The following LSR variants were observed in gnomAD, a reference collection of about 807,000 sequenced individuals.
LSR encodes the protein lipolysis-stimulated lipoprotein receptor.
LSR carries 44 observed loss-of-function variants against 61.8 expected under a neutral mutation model. That is an observed-to-expected ratio of 0.71 (90% CI 0.56 to 0.91). LSR has a LOEUF of 0.91. Ranked by LOEUF, LSR falls within the 40% of genes least tolerant of loss-of-function variation. The pLI, the probability that LSR is intolerant of heterozygous loss-of-function variation, is 0.00. For missense variants in LSR, 911 were observed against 830.5 expected, an observed-to-expected ratio of 1.10 and a Z score of -1.19; for synonymous variants, 397 against 350.6, an observed-to-expected ratio of 1.13 and a Z score of -1.48.
At position 35,249,097 on chromosome 19, in the gene LSR, C is replaced by G. The variant is rs1428709940; in HGVS notation, c.75C>G (p.Val25=). 2 of 1,552,008 alleles carry G rather than the reference C, an allele frequency of 1.3e-6. No individual in the cohort carries two copies. Among genetic ancestry groups the G allele is most frequent in the Non-Finnish European group, 1.7e-6 (2 of 1,149,784 alleles). ...CCGCCGCAGGCCGGGACGCGGTCGT[C>G]TTCGTGTGGCTTCTGCTTAGCACCT... is the stretch of plus-strand genomic sequence containing the variant. The part of the protein sequence containing the change: ...HPAAAGRDAV[V]FVWLLLSTWC... The change falls in exon 1 of 10, where the codon GTC becomes GTG. Residue 25 remains valine, a synonymous_variant. Transcript: ENST00000605618.
At chr19:35,267,067 C>G in intron 8 of LSR, 42 bp from the exon 9 acceptor site, 1 of 1,530,414 alleles carries the variant, frequency 6.5e-7, no homozygotes, top group South Asian at 1.3e-5. Flanking sequence ...ACCCTGGACC[C>G]CGGGCTCCTC....
At position 35,250,453 on chromosome 19, in the gene LSR, T is replaced by A; in HGVS notation, c.248T>A (p.Phe83Tyr). The A allele has an allele frequency of 6.2e-7, 1 of 1,614,056 alleles. No individual in the cohort carries two copies. The highest frequency in any genetic ancestry group is 1.3e-5 in the African/African-American group (1 of 75,018). ...QPIVIWKYKS[F>Y]CRDRIADAFS... The stretch of plus-strand genomic sequence containing the variant: ...ATCGTCATCTGGAAGTACAAGTCTT[T>A]CTGCCGGGACCGCATCGCCGATGCC... Residue 83 changes from phenylalanine (F) to tyrosine (Y), a missense_variant, in exon 2 of 10, where the codon TTC becomes TAC. Coordinates refer to ENST00000605618, the MANE Select transcript of LSR (RefSeq NM_205834.4).
chr19:35,263,393 A>T (rs1259620775), intron 5 of LSR, among the ~76,000 whole-genome samples: 1 of 152,182 alleles, frequency 6.6e-6, no homozygotes, highest in East Asian at 1.9e-4. Flanking sequence ...AAAGGGTCTC[A>T]TTCTGTCATC....
At chr19:35,259,375 C>T (rs2065896889) in intron 3 of LSR, 2 of 235,918 alleles carry the variant, frequency 8.5e-6, no homozygotes, top group South Asian at 1.1e-4. Context: ...TGCGGTAGTT[C>T]ATGCCTGTAA....
In LSR at chr19:35,266,956, G is replaced by A. The variant is rs2066011352; in HGVS notation, c.1133G>A (p.Arg378His). 5.6e-6 allele frequency: 9 copies of A among 1,612,364 alleles called. No homozygotes were observed. The Admixed American group carries it at 1.0e-4, about 18-fold the overall frequency. The change falls in exon 8 of 10, where the codon CGT (arginine) becomes CAT (histidine). Residue 378 changes from arginine to histidine, a missense_variant. Arg to His is a conservative substitution (Grantham distance 29). Transcript: ENST00000605618. ...DPSRPGPPSG[R>H]VERAMSEVTS... Reference sequence around the variant, plus strand: ...TCTCGACCTGGCCCCCCCAGTGGCCGTGTGGAGCGGGGTAAGCAGGAGCCT... The same window carrying A: ...TCTCGACCTGGCCCCCCCAGTGGCCATGTGGAGCGGGGTAAGCAGGAGCCT...
intron 1 of LSR, chr19:35,249,429 C>T (rs113986917): frequency 8.7e-5 from 35 of 402,720 alleles, no homozygotes; most frequent in African/African-American, 4.7e-4. Context: ...GAAGACCGCC[C>T]GATCTCTGGG....
In LSR at chr19:35,267,943, C is replaced by T; in HGVS notation, c.*84C>T. The T allele has an allele frequency of 6.8e-7, 1 of 1,481,456 alleles. No homozygotes were observed. The highest frequency in any genetic ancestry group is 2.3e-5 in the East Asian group (1 of 44,148). 91.8% of individuals were successfully genotyped at this position (1,481,456 alleles called of 1,614,324 possible). The stretch of plus-strand genomic sequence containing the variant: ...AAGCCCTGCCATACCCCTCCCGAGT[C>T]TAATAAAACGTATAATCACAAGCTC... On this transcript the variant is annotated 3_prime_UTR_variant, in exon 10 of 10. Coordinates refer to ENST00000605618, the MANE Select transcript of LSR (RefSeq NM_205834.4).
At position 35,267,600 on chromosome 19, in the gene LSR, G is replaced by A. The variant is rs1599611895; in HGVS notation, c.1636G>A (p.Ala546Thr). The A allele has an allele frequency of 1.9e-6, 3 of 1,612,310 alleles. No individual in the cohort carries two copies. Among genetic ancestry groups the A allele is most frequent in the East Asian group, 2.2e-5 (1 of 44,866 alleles). ...CTATGATGGGCGGCTACTGGAGGAGGCTGTGAGGAAGAAGGGGTCGGAGGA... is the reference window on the plus strand; with the variant it reads ...CTATGATGGGCGGCTACTGGAGGAGACTGTGAGGAAGAAGGGGTCGGAGGA... ...LPYDGRLLEE[A>T]VRKKGSEERR... The change falls in exon 9 of 10, where the codon GCT (alanine) becomes ACT (threonine). Residue 546 changes from alanine (A) to threonine (T), a missense_variant. Physicochemically the swap from Ala to Thr is moderately conservative, Grantham distance 58. Coordinates refer to ENST00000605618, the MANE Select transcript of LSR (RefSeq NM_205834.4).
chr19:35,252,845 T>C (rs1186013074), intron 2 of LSR, among the ~76,000 whole-genome samples: 4 of 151,346 alleles, frequency 2.6e-5, no homozygotes, highest in Admixed American at 6.6e-5. Context: ...AGACCCCATG[T>C]CTACAAAAAT....
At chr19:35,255,875 G>T (rs2145505606) in intron 2 of LSR, among the ~76,000 whole-genome samples, 1 of 152,268 alleles carries the variant, frequency 6.6e-6, no homozygotes. Flanking sequence ...AAGGGCAAGG[G>T]CAAGGATTTA....
At position 35,267,120 on chromosome 19, in the gene LSR, G is replaced by A. The variant is rs748885941; in HGVS notation, c.1156G>A (p.Val386Ile). 5 of 1,528,262 alleles carry A rather than the reference G, an allele frequency of 3.3e-6. No homozygotes were observed. Among genetic ancestry groups the A allele is most frequent in the African/African-American group, 2.8e-5 (2 of 71,868 alleles). The allele number at this position is 1,528,262 out of a possible 1,614,324, so 94.7% of individuals were successfully genotyped here. ...SGRVERAMSE[V>I]TSLHEDDWRS... is the part of the protein sequence containing the mutation. ...CCCCTTCCCTGCAGCCATGAGTGAA[G>A]TCACCTCCCTCCACGAGGACGACTG... Residue 386 changes from valine to isoleucine, a missense_variant, in exon 9 of 10, where the codon GTC becomes ATC. By Grantham distance (29) the Val-to-Ile change is conservative. Transcript: ENST00000605618.
At chr19:35,255,598 C>A (rs2065846410) in intron 2 of LSR, among the ~76,000 whole-genome samples, 1 of 152,028 alleles carries the variant, frequency 6.6e-6, no homozygotes, top group Non-Finnish European at 1.5e-5. Context: ...AATTAAAAAA[C>A]AACACCAACA....
intron 2 of LSR, chr19:35,253,224 G>A (rs1238166672): frequency 6.6e-6 from 1 of 152,358 alleles, no homozygotes; most frequent in Non-Finnish European, 1.5e-5. Context: ...GGAGGCTGAG[G>A]CAGGAGAATC....
At chr19:35,254,825 G>A (rs2065837558) in intron 2 of LSR, among the ~76,000 whole-genome samples, 1 of 152,200 alleles carries the variant, frequency 6.6e-6, no homozygotes, top group Admixed American at 6.5e-5. Context: ...CCAGACCTTA[G>A]GATGGATCAA....
In LSR at chr19:35,267,888, T is replaced by A; in HGVS notation, c.*29T>A. ...GACGTTTTCTACGTAGCTTTTGTATTTTTTTTTTTAATTTGAAGGAACACT... is the reference window on the plus strand; with the variant it reads ...GACGTTTTCTACGTAGCTTTTGTATATTTTTTTTTAATTTGAAGGAACACT... On this transcript the variant is annotated 3_prime_UTR_variant, in exon 10 of 10. Transcript: ENST00000605618. 6.3e-7 allele frequency: 1 copy of A among 1,580,660 alleles called. No homozygotes were observed.
Position 35,260,051 on chromosome 19 carries a change from AC to A in LSR, c.574+988del, listed in dbSNP as rs147319946. 9.8e-3 allele frequency among the ~76,000 whole-genome samples: 1,499 copies of A among 152,294 alleles called. 24 individuals are homozygous for A. The highest frequency in any genetic ancestry group is 0.035 in the African/African-American group (1,436 of 41,562). ...GTGAATGAGCACGTGACTGGGGGGTACTTGGGCTGCAAGACAGAGTTCATGT... is the reference window on the plus strand; with the variant it reads ...GTGAATGAGCACGTGACTGGGGGGTATTGGGCTGCAAGACAGAGTTCATGT... On this transcript the variant is annotated intron_variant, in intron 3 of 9. Transcript: ENST00000605618.
Position 35,267,332 on chromosome 19 carries a change from C to G in LSR, c.1368C>G (p.Ser456Arg). The change falls in exon 9 of 10, where the codon AGC becomes AGG. Residue 456 changes from serine (S) to arginine (R), a missense_variant. Ser to Arg is a moderately radical substitution (Grantham distance 110). Transcript: ENST00000605618. ...CCCTGGACGACCTCACCCCGCCGAGCACCGCCGAGTCAGGGAGCAGGTCTC... is the reference window on the plus strand; with the variant it reads ...CCCTGGACGACCTCACCCCGCCGAGGACCGCCGAGTCAGGGAGCAGGTCTC... ...VDALDDLTPP[S>R]TAESGSRSPT... The G allele has an allele frequency of 6.4e-7, 1 of 1,567,592 alleles. No homozygotes were observed. The highest frequency in any genetic ancestry group is 8.6e-7 in the Non-Finnish European group (1 of 1,156,964).
rs2065869010 is a variant in LSR, at chr19:35,257,383, A to C, written c.455-1562A>C. On this transcript the variant is annotated intron_variant, in intron 2 of 9. Coordinates refer to ENST00000605618, the MANE Select transcript of LSR (RefSeq NM_205834.4). ...ATGGCAGGGGTGAGGCTGGCACGGTAGCTAGAGACCACGTCGTGCCAAGGG... is the reference window on the plus strand; with the variant it reads ...ATGGCAGGGGTGAGGCTGGCACGGTCGCTAGAGACCACGTCGTGCCAAGGG... Among the ~76,000 whole-genome samples the C allele has an allele frequency of 2.0e-5, 3 of 152,204 alleles. No homozygotes were observed. In the South Asian group the frequency reaches 6.2e-4, roughly 31 times the overall value.
At chr19:35,262,366 T>C (rs937570312) in intron 4 of LSR, among the ~76,000 whole-genome samples, 180 bp from the exon 5 acceptor site, 13 of 152,080 alleles carry the variant, frequency 8.5e-5, no homozygotes, top group African/African-American at 2.9e-4. Context: ...GATGGTAGAA[T>C]GGGGAGTGTG....
Sources: gnomAD v4.1 joint callset for allele counts (sites outside exome capture counted in the v4.1 genomes callset) on GRCh38, gnomAD v4.1.1 for gene constraint, MANE v1.5 for transcripts, NCBI Gene and HGNC (gene_info 2026-07-23, HGNC 2026-07-21) for gene names.